EMC8: variants seen among roughly 807,000 people sequenced by gnomAD.
EMC8 encodes ER membrane protein complex subunit 8.
Under a neutral mutation model 24.3 loss-of-function variants are expected in EMC8, and 11 were observed. That is an observed-to-expected ratio of 0.45 (90% CI 0.28 to 0.75). EMC8 has a LOEUF of 0.75. EMC8 is among the 30% of genes least tolerant of loss of function. The pLI, the probability that EMC8 is intolerant of heterozygous loss-of-function variation, is 0.12. For synonymous variants in EMC8, 145 were observed against 117.7 expected, an observed-to-expected ratio of 1.23 and a Z score of -1.50; for missense variants, 277 against 282.7, an observed-to-expected ratio of 0.98 and a Z score of 0.14.
chr16:85,791,930 G>T (rs956506628), intron 1 of EMC8, among the ~76,000 whole-genome samples: 2 of 152,176 alleles, frequency 1.3e-5, no homozygotes, highest in Admixed American at 6.5e-5. Context: ...AAGGCCTGGG[G>T]ATTAGGATGT....
intron 2 of EMC8, among the ~76,000 whole-genome samples, chr16:85,785,678 A>G (rs1904722498): frequency 6.6e-6 from 1 of 152,158 alleles, no homozygotes. Flanking sequence ...AATCTCCAAT[A>G]CTGATCCACT....
At chr16:85,789,566 C>T (rs939844535) in intron 1 of EMC8, among the ~76,000 whole-genome samples, 1 of 151,896 alleles carries the variant, frequency 6.6e-6, no homozygotes, top group Non-Finnish European at 1.5e-5. Flanking sequence ...CTGAGGTGGG[C>T]GGATCACCTG....
intron 2 of EMC8, chr16:85,781,753 T>C (rs534967303): frequency 5.6e-5 from 9 of 161,820 alleles, no homozygotes; most frequent in Non-Finnish European, 8.1e-5. Flanking sequence ...AGCCTACTTA[T>C]TTATTTGTAT....
chr16:85,792,362 C>T (rs1905052799), intron 1 of EMC8: 1 of 152,166 alleles, frequency 6.6e-6, no homozygotes, highest in Non-Finnish European at 1.5e-5. Flanking sequence ...GTCACAAAAG[C>T]TCTGGCCTGG....
intron 2 of EMC8, among the ~76,000 whole-genome samples, chr16:85,782,053 G>C (rs1005515315): frequency 2.0e-5 from 3 of 152,200 alleles, no homozygotes; most frequent in African/African-American, 7.2e-5. Flanking sequence ...TCTTGAGAGA[G>C]CATCTCCTAA....
At chr16:85,790,376 G>C (rs1904947690) in intron 1 of EMC8, among the ~76,000 whole-genome samples, 1 of 152,138 alleles carries the variant, frequency 6.6e-6, no homozygotes, top group South Asian at 2.1e-4. Context: ...CAAAACCAGG[G>C]CTCAGTGAAC....
chr16:85,781,281 C>A lies in EMC8; in HGVS notation c.309-1G>T, dbSNP rs748753378. 1 of 1,478,518 alleles carries A rather than the reference C, an allele frequency of 6.8e-7. No individual in the cohort carries two copies. The highest frequency in any genetic ancestry group is 2.2e-5 in the Admixed American group (1 of 46,222). The allele number at this position is 1,478,518 out of a possible 1,614,324, so 91.6% of individuals were successfully genotyped here. A position where few individuals can be genotyped will look rare whatever the true frequency, so the allele number is the denominator to read the frequency against. On this transcript the variant is annotated splice_acceptor_variant, in intron 2 of 4. Coordinates refer to ENST00000253457, the MANE Select transcript of EMC8 (RefSeq NM_006067.5). LOFTEE classifies it high-confidence loss of function. Reference sequence around the variant, plus strand: ...CACCTTCTCTGCAACCTGGTTTGGACTGTCAAAGAAATAGGCTACCACATT... The same window carrying A: ...CACCTTCTCTGCAACCTGGTTTGGAATGTCAAAGAAATAGGCTACCACATT...
At chr16:85,780,279 G>C in intron 4 of EMC8, 100 bp downstream of exon 4, 1 of 850,188 alleles carries the variant, frequency 1.2e-6, no homozygotes, top group South Asian at 1.4e-5. Context: ...CATGCTTCTG[G>C]AGAAAACGCT....
chr16:85,789,527 C>G (rs1904907277), intron 1 of EMC8, among the ~76,000 whole-genome samples: 1 of 152,150 alleles, frequency 6.6e-6, no homozygotes, highest in Non-Finnish European at 1.5e-5. Flanking sequence ...CACAGTGGCT[C>G]ACACCTGTAA....
At chr16:85,786,122 G>A (rs549771826) in intron 2 of EMC8, among the ~76,000 whole-genome samples, 3 of 152,270 alleles carry the variant, frequency 2.0e-5, no homozygotes, top group Admixed American at 6.5e-5. Context: ...AACACACTGC[G>A]CAATTTCATT....
intron 1 of EMC8, among the ~76,000 whole-genome samples, chr16:85,790,280 A>G (rs757286439): frequency 1.3e-5 from 2 of 152,136 alleles, no homozygotes; most frequent in Non-Finnish European, 2.9e-5. Flanking sequence ...AAAGCAGACA[A>G]GACAGTTACA....
At chr16:85,792,972 T>A (rs1412997179) in intron 1 of EMC8, 1 of 152,228 alleles carries the variant, frequency 6.6e-6, no homozygotes, top group African/African-American at 2.4e-5. Context: ...CTGACTCTGA[T>A]ATAGACACCT....
At position 85,779,590 on chromosome 16, in the gene EMC8, ACTT is replaced by A. The variant is rs1488490047; in HGVS notation, c.*115_*117del. Reference sequence around the variant, plus strand: ...TCTGCCCCCTTTCAAGGCACATGCCACTTCTTAAAACGGTCAGCTTTCCACACA... The same window carrying A: ...TCTGCCCCCTTTCAAGGCACATGCCACTTAAAACGGTCAGCTTTCCACACA... On this transcript the variant is annotated 3_prime_UTR_variant, in exon 5 of 5. Transcript: ENST00000253457. 2.3e-5 allele frequency: 25 copies of A among 1,064,928 alleles called. No individual in the cohort carries two copies. The highest frequency in any genetic ancestry group is 3.5e-5 in the Non-Finnish European group (25 of 717,714). 66.0% of individuals were successfully genotyped at this position (1,064,928 alleles called of 1,614,324 possible).
intron 3 of EMC8, chr16:85,780,823 G>A (rs1354354618): frequency 4.5e-6 from 2 of 444,798 alleles, no homozygotes; most frequent in African/African-American, 2.0e-5. Flanking sequence ...GGCTGTGCTG[G>A]CTGTTCTAAT....
intron 1 of EMC8, among the ~76,000 whole-genome samples, chr16:85,791,558 T>C (rs994148170): frequency 1.1e-4 from 17 of 152,210 alleles, no homozygotes; most frequent in African/African-American, 3.6e-4. Flanking sequence ...TATGACAACA[T>C]GCGGTGTTTG....
At chr16:85,784,060 G>A (rs964416882) in intron 2 of EMC8, among the ~76,000 whole-genome samples, 9 of 151,996 alleles carry the variant, frequency 5.9e-5, no homozygotes, top group East Asian at 1.9e-4. Context: ...GTGCAGTGGC[G>A]CGATCTCGGC....
At chr16:85,786,596 G>A (rs896253) in intron 2 of EMC8, among the ~76,000 whole-genome samples, 11,813 of 152,180 alleles carry the variant, frequency 0.078, 624 homozygotes, top group East Asian at 0.31. Context: ...TTCCAGGGTG[G>A]CAGACTCCTA....
At chr16:85,798,948 C>T in intron 1 of EMC8, 117 bp downstream of exon 1, 1 of 691,466 alleles carries the variant, frequency 1.4e-6, no homozygotes, top group South Asian at 1.9e-5. Flanking sequence ...GCCACGGCAA[C>T]CCTAGGGAGC....
At chr16:85,797,083 C>G (rs1289143482) in intron 1 of EMC8, among the ~76,000 whole-genome samples, 2 of 152,200 alleles carry the variant, frequency 1.3e-5, no homozygotes, top group African/African-American at 4.8e-5. Context: ...TTTCACAGAT[C>G]CAATAATTCT....
Sources: gnomAD v4.1 joint callset for allele counts (sites outside exome capture counted in the v4.1 genomes callset) on GRCh38, gnomAD v4.1.1 for gene constraint, MANE v1.5 for transcripts, NCBI Gene and HGNC (gene_info 2026-07-23, HGNC 2026-07-21) for gene names.